Variants in ADAM12 observed in about 807,000 individuals in gnomAD.
ADAM12 encodes ADAM metallopeptidase domain 12.
A neutral mutation model predicts 106.4 loss-of-function variants in ADAM12; 70 were observed. The ratio of observed to expected loss-of-function variants is 0.66; its 90% CI spans 0.54 to 0.80. The LOEUF is 0.80. ADAM12 is among the 30% of genes least tolerant of loss of function. ADAM12 has a pLI of 0.00. For synonymous variants in ADAM12, 420 were observed against 433.5 expected, an observed-to-expected ratio of 0.97 and a Z score of 0.39; for missense variants, 1,010 against 1,171.9, an observed-to-expected ratio of 0.86 and a Z score of 2.02.
intron 3 of ADAM12, among the ~76,000 whole-genome samples, chr10:126,159,340 C>A: frequency 6.9e-6 from 1 of 144,278 alleles, no homozygotes. Flanking sequence ...AAGGAGCACA[C>A]TTGACCAGCT....
rs1856760293 is a variant in ADAM12 at position 126,388,397 on chromosome 10, C to G, written c.-252G>C. Reference sequence around the variant, plus strand: ...CGTTCTGGCACAAGCCAGCCTTGACCGTTGCAATAAATGAGCAAACTGTCC... The same window carrying G: ...CGTTCTGGCACAAGCCAGCCTTGACGGTTGCAATAAATGAGCAAACTGTCC... On this transcript the variant is annotated 5_prime_UTR_variant, in exon 1 of 23. Transcript: ENST00000448723. The surrounding 1 kb of genome is among the most constrained non-coding windows in gnomAD (Gnocchi z 4.4). 1 of 360,762 alleles carries G rather than the reference C, an allele frequency of 2.8e-6. No individual in the cohort carries two copies. The highest frequency in any genetic ancestry group is 1.4e-4 in the South Asian group (1 of 7,154). The allele number at this position is 360,762 out of a possible 1,614,324, so 22.3% of individuals were successfully genotyped here. A position where few individuals can be genotyped will look rare whatever the true frequency, so the allele number is the denominator to read the frequency against.
intron 4 of ADAM12, among the ~76,000 whole-genome samples, chr10:126,138,823 C>CTTTT (rs4019596): frequency 1.3e-5 from 2 of 149,150 alleles, no homozygotes; most frequent in East Asian, 2.0e-4. Flanking sequence ...ATATCTTTTT[C>CTTTT]TTTTTAAGAG....
At chr10:126,040,856 T>C (rs1954149494) in intron 18 of ADAM12, among the ~76,000 whole-genome samples, 1 of 152,098 alleles carries the variant, frequency 6.6e-6, no homozygotes. Context: ...CCAGGGTTGC[T>C]CAAGCCAGAG....
intron 3 of ADAM12, among the ~76,000 whole-genome samples, chr10:126,162,754 G>A (rs577412946): frequency 7.8e-4 from 119 of 152,282 alleles, no homozygotes; most frequent in Non-Finnish European, 1.4e-3. Context: ...GTAACAGACT[G>A]AGGACTCTTG....
chr10:126,194,824 A>T (rs994984862), intron 3 of ADAM12, among the ~76,000 whole-genome samples: 1 of 152,226 alleles, frequency 6.6e-6, no homozygotes, highest in African/African-American at 2.4e-5. Context: ...GTCTGTTGAC[A>T]TACGTATGTA....
At chr10:126,158,506 A>G (rs1956865874) in intron 3 of ADAM12, among the ~76,000 whole-genome samples, 1 of 101,674 alleles carries the variant, frequency 9.8e-6, no homozygotes, top group Non-Finnish European at 1.9e-5. Context: ...CGGAGAGAGG[A>G]TGCACAGAGC....
At chr10:126,041,544 T>C in intron 18 of ADAM12, 1 of 985,864 alleles carries the variant, frequency 1.0e-6, no homozygotes, top group Non-Finnish European at 1.2e-6. Context: ...TTCACCGCCC[T>C]TTCTCCTACC....
chr10:126,262,142 C>T (rs1959014017), intron 3 of ADAM12, among the ~76,000 whole-genome samples: 1 of 152,090 alleles, frequency 6.6e-6, no homozygotes, highest in Non-Finnish European at 1.5e-5. Flanking sequence ...GCATTCTAAG[C>T]ATAATGACCT....
Position 126,038,259 on chromosome 10 carries a change from T to C in ADAM12, c.2331A>G (p.Pro777=). ...HLGKGLMRKP[P]DSYPPKDNPR... is the part of the protein sequence containing the mutation. ...GACTCACCTTCGGTGGGTAGGAATC[T>C]GGCGGCTTCCTCATCAGGCCTTTTC... The change falls in exon 20 of 23, where the codon CCA becomes CCG. Residue 777 remains proline, a synonymous_variant. Transcript: ENST00000448723. 1 of 1,611,004 alleles carries C rather than the reference T, an allele frequency of 6.2e-7. No individual in the cohort carries two copies. Among genetic ancestry groups the C allele is most frequent in the Non-Finnish European group, 8.5e-7 (1 of 1,178,886 alleles).
chr10:126,271,298 C>T (rs1213921028), intron 3 of ADAM12, among the ~76,000 whole-genome samples: 1 of 152,208 alleles, frequency 6.6e-6, no homozygotes, highest in Non-Finnish European at 1.5e-5. Flanking sequence ...CCCACACATT[C>T]CATCATTCAT....
rs1287098130 is a variant in ADAM12, at chr10:126,064,886, G to A, written c.1529C>T (p.Ser510Leu). 9 of 1,612,796 alleles carry A rather than the reference G, an allele frequency of 5.6e-6. No homozygotes were observed. The Admixed American group carries it at 1.5e-4, about 27-fold the overall frequency. The change falls in exon 14 of 23, where the codon TCA becomes TTA. Residue 510 changes from serine (S) to leucine (L), a missense_variant. Physicochemically the swap from Ser to Leu is moderately radical, Grantham distance 145. Around this residue, in one of 3 missense-constraint regions of ADAM12, gnomAD observed 615 missense variants for 708.5 expected, o/e 0.87. Coordinates refer to ENST00000448723, the MANE Select transcript of ADAM12 (RefSeq NM_001288973.2). The surrounding 1 kb of genome is among the most constrained non-coding windows in gnomAD (Gnocchi z 4.4). The stretch of plus-strand genomic sequence containing the variant: ...GCAGTAGCCGTCCACATCCTGACAT[G>A]AGTGCCCATCGTGCAGGTACACGTT... ...PANVYLHDGHSCQDVDGYCYN... is the reference protein window; with the variant it reads ...PANVYLHDGHLCQDVDGYCYN...
chr10:126,045,128 G>A (rs563483479), intron 17 of ADAM12, among the ~76,000 whole-genome samples: 35 of 152,136 alleles, frequency 2.3e-4, no homozygotes, highest in African/African-American at 7.0e-4. Context: ...GCAGCTTGCC[G>A]GCCATATTAC....
At chr10:126,174,472 G>A (rs1170557770) in intron 3 of ADAM12, among the ~76,000 whole-genome samples, 1 of 152,194 alleles carries the variant, frequency 6.6e-6, no homozygotes, top group East Asian at 1.9e-4. Flanking sequence ...GTTCAGGGCC[G>A]GGGCTTGCAT....
chr10:126,370,115 C>T (rs923897614), intron 1 of ADAM12, among the ~76,000 whole-genome samples: 1 of 152,150 alleles, frequency 6.6e-6, no homozygotes. Flanking sequence ...AGCTTGAAAG[C>T]AGATCCTTCC....
At chr10:126,300,984 G>A (rs924807365) in intron 2 of ADAM12, among the ~76,000 whole-genome samples, 9 of 152,206 alleles carry the variant, frequency 5.9e-5, no homozygotes, top group Non-Finnish European at 1.3e-4. Flanking sequence ...TAGGTTGGTT[G>A]AAATCAGTGG....
chr10:126,283,497 T>A (rs915342691), intron 2 of ADAM12, among the ~76,000 whole-genome samples: 7 of 152,224 alleles, frequency 4.6e-5, no homozygotes, highest in African/African-American at 1.7e-4. Context: ...AGCCCCAATC[T>A]GCTGACTGTG....
intron 4 of ADAM12, among the ~76,000 whole-genome samples, chr10:126,149,879 G>C (rs2133710401): frequency 6.6e-6 from 1 of 152,248 alleles, no homozygotes; most frequent in African/African-American, 2.4e-5. Context: ...GGCCTATTGT[G>C]AGGCCTTACC....
chr10:126,038,309 A>C lies in ADAM12; in HGVS notation c.2281T>G (p.Cys761Gly). The change falls in exon 20 of 23, where the codon TGT (cysteine) becomes GGT (glycine). Residue 761 changes from cysteine to glycine, a missense_variant. By Grantham distance (159) the Cys-to-Gly change is radical (BLOSUM62 -3). Coordinates refer to ENST00000448723, the MANE Select transcript of ADAM12 (RefSeq NM_001288973.2). ...PSRPPRGFQP[C>G]QAHLGHLGKG... ...CCAAGGTGGCCGAGGTGAGCCTGAC[A>C]GGGTTGGAAGCCACGGGGTGGCCGG... is the stretch of plus-strand genomic sequence containing the variant. 6.2e-7 allele frequency: 1 copy of C among 1,609,986 alleles called. No homozygotes were observed. Among genetic ancestry groups the C allele is most frequent in the Non-Finnish European group, 8.5e-7 (1 of 1,177,550 alleles).
intron 9 of ADAM12, among the ~76,000 whole-genome samples, chr10:126,098,731 T>C (rs932555513): frequency 6.6e-6 from 1 of 152,234 alleles, no homozygotes; most frequent in African/African-American, 2.4e-5. Context: ...AGATGACAAC[T>C]AGTTATTACT....
Sources: allele counts gnomAD v4.1 joint callset (sites outside exome capture counted in the v4.1 genomes callset), GRCh38; gene constraint gnomAD v4.1.1; regional missense constraint gnomAD v4.1.1; non-coding constraint Gnocchi (gnomAD v3.1); transcripts MANE v1.5; gene names NCBI Gene and HGNC (gene_info 2026-07-23, HGNC 2026-07-21).